Variants in FHIT observed in about 807,000 individuals in gnomAD.
FHIT encodes fragile histidine triad diadenosine triphosphatase, also known as bis(5'-adenosyl)-triphosphatase.
FHIT carries 19 observed loss-of-function variants against 17.9 expected under a neutral mutation model. The ratio of observed to expected loss-of-function variants is 1.06; its 90% CI spans 0.74 to 1.56. The LOEUF (loss-of-function observed/expected upper bound fraction) is 1.56. Ranked by LOEUF, FHIT falls within the 40% of genes most tolerant of loss-of-function variation. FHIT has a pLI of 0.00. For synonymous variants in FHIT, 81 were observed against 69.7 expected (o/e 1.16, Z -0.81); for missense variants, 248 against 189.2 (o/e 1.31, Z -1.82).
At chr3:61,010,439 T>C (rs2031726447) in intron 3 of FHIT, among the ~76,000 whole-genome samples, 1 of 152,208 alleles carries the variant, frequency 6.6e-6, no homozygotes, top group South Asian at 2.1e-4. Context: ...AACAATCCCA[T>C]GTAATAAGTA....
At chr3:60,507,881 C>T (rs1046883686) in intron 5 of FHIT, among the ~76,000 whole-genome samples, 1 of 152,176 alleles carries the variant, frequency 6.6e-6, no homozygotes, top group African/African-American at 2.4e-5. Context: ...GCATAGTATT[C>T]CATGGTGTAT....
intron 5 of FHIT, among the ~76,000 whole-genome samples, chr3:60,206,632 TG>T: frequency 6.6e-6 from 1 of 152,300 alleles, no homozygotes; most frequent in East Asian, 1.9e-4. Context: ...CAGGACCCCT[TG>T]TATGATTAGC....
chr3:60,023,540 T>G (rs1202420445), intron 5 of FHIT, among the ~76,000 whole-genome samples: 1 of 152,160 alleles, frequency 6.6e-6, no homozygotes, highest in Non-Finnish European at 1.5e-5. Flanking sequence ...AAAATTCCAG[T>G]TTCCCTCAGA....
chr3:60,755,929 A>G (rs1348196640), intron 4 of FHIT, among the ~76,000 whole-genome samples: 1 of 152,228 alleles, frequency 6.6e-6, no homozygotes, highest in South Asian at 2.1e-4. Context: ...CATGCATTAG[A>G]AACTGAGTAT....
intron 8 of FHIT, among the ~76,000 whole-genome samples, chr3:59,768,842 A>G (rs769377075): frequency 6.6e-5 from 10 of 152,254 alleles, no homozygotes; most frequent in Non-Finnish European, 8.8e-5. Context: ...ACAGATACAC[A>G]TTGTAAAAGA....
At chr3:61,095,056 G>A (rs1401742375) in intron 2 of FHIT, among the ~76,000 whole-genome samples, 1 of 152,156 alleles carries the variant, frequency 6.6e-6, no homozygotes, top group Non-Finnish European at 1.5e-5. Flanking sequence ...GGAAGTATTT[G>A]CAAAGACTAT....
At chr3:60,500,788 A>C (rs1332845265) in intron 5 of FHIT, among the ~76,000 whole-genome samples, 1 of 150,984 alleles carries the variant, frequency 6.6e-6, no homozygotes, top group Non-Finnish European at 1.5e-5. Context: ...AAAAAAAAAA[A>C]AAAAAAAAAT....
At chr3:60,991,640 G>A (rs894640941) in intron 3 of FHIT, among the ~76,000 whole-genome samples, 1 of 152,126 alleles carries the variant, frequency 6.6e-6, no homozygotes, top group African/African-American at 2.4e-5. Context: ...AATATGCCAT[G>A]TGATCTTAGG....
chr3:60,090,284 C>T (rs927958355), intron 5 of FHIT, among the ~76,000 whole-genome samples: 1 of 152,178 alleles, frequency 6.6e-6, no homozygotes, highest in South Asian at 2.1e-4. Flanking sequence ...TTGTTTCCTG[C>T]AAAACTGTCA....
intron 8 of FHIT, among the ~76,000 whole-genome samples, chr3:59,827,179 C>T (rs905831486): frequency 1.4e-4 from 21 of 152,200 alleles, no homozygotes; most frequent in African/African-American, 5.1e-4. Flanking sequence ...CGGTCAGCAT[C>T]TCATCTAATC....
intron 4 of FHIT, among the ~76,000 whole-genome samples, chr3:60,794,292 A>G (rs1700896330): frequency 1.3e-5 from 2 of 152,164 alleles, no homozygotes. Flanking sequence ...TCTAGATATT[A>G]TATTAGATCT....
chr3:60,557,231 G>A lies in FHIT; in HGVS notation c.-17-20252C>T, dbSNP rs193260232. 1.2e-3 allele frequency among the ~76,000 whole-genome samples: 187 copies of A among 152,290 alleles called. 2 individuals are homozygous for A. Among genetic ancestry groups the A allele is most frequent in the South Asian group, 6.2e-4 (3 of 4,812 alleles). ...TGCCCAAGTACACACGGAAGCAAGTGATGGAGCCGAGATTTGTACCCAGGT... is the reference window on the plus strand; with the variant it reads ...TGCCCAAGTACACACGGAAGCAAGTAATGGAGCCGAGATTTGTACCCAGGT... On this transcript the variant is annotated intron_variant, in intron 4 of 9. Coordinates refer to ENST00000492590, the MANE Select transcript of FHIT (RefSeq NM_002012.4).
intron 7 of FHIT, among the ~76,000 whole-genome samples, chr3:59,925,876 C>G (rs17061480): frequency 0.073 from 11,089 of 152,232 alleles, 516 homozygotes; most frequent in African/African-American, 0.13. Context: ...GAAAAAATAC[C>G]ATCACTATGG....
intron 8 of FHIT, among the ~76,000 whole-genome samples, chr3:59,909,313 T>G (rs1704750240): frequency 6.6e-6 from 1 of 152,124 alleles, no homozygotes; most frequent in South Asian, 2.1e-4. Context: ...ATTACTCGCA[T>G]GAGCCACTGC....
chr3:60,479,961 C>T (rs1385785743), intron 5 of FHIT, among the ~76,000 whole-genome samples: 1 of 152,144 alleles, frequency 6.6e-6, no homozygotes, highest in Non-Finnish European at 1.5e-5. Flanking sequence ...AATGATAATA[C>T]GTGGCTATAC....
At chr3:59,773,152 CTG>C (rs1487136963) in intron 8 of FHIT, among the ~76,000 whole-genome samples, 1 of 152,216 alleles carries the variant, frequency 6.6e-6, no homozygotes, top group Non-Finnish European at 1.5e-5. Flanking sequence ...TGTAAGGCCC[CTG>C]TCTTCATTCT....
chr3:60,613,115 T>C (rs1354467508), intron 4 of FHIT, among the ~76,000 whole-genome samples: 6 of 152,220 alleles, frequency 3.9e-5, no homozygotes, highest in Non-Finnish European at 7.3e-5. Flanking sequence ...CAGAAGTTTC[T>C]TTTTCATCAC....
At chr3:60,088,515 G>A (rs1402173127) in intron 5 of FHIT, among the ~76,000 whole-genome samples, 3 of 152,096 alleles carry the variant, frequency 2.0e-5, no homozygotes, top group Non-Finnish European at 1.5e-5. Flanking sequence ...ATCATGTCAT[G>A]GAAACCCCAA....
intron 8 of FHIT, among the ~76,000 whole-genome samples, chr3:59,911,891 T>A (rs528389171): frequency 1.3e-5 from 2 of 152,136 alleles, no homozygotes; most frequent in Non-Finnish European, 2.9e-5. Context: ...TACTCTATTA[T>A]GAAGTGGTAT....
Sources: allele counts gnomAD v4.1 joint callset (sites outside exome capture counted in the v4.1 genomes callset), GRCh38; gene constraint gnomAD v4.1.1; transcripts MANE v1.5; gene names NCBI Gene and HGNC (gene_info 2026-07-23, HGNC 2026-07-21).